MAP7D1: variants seen among roughly 807,000 people sequenced by gnomAD.
The protein encoded by MAP7D1 is MAP7 domain containing 1.
In MAP7D1, 30 loss-of-function variants were observed where a neutral mutation model predicts 97.5. The ratio of observed to expected loss-of-function variants is 0.31; its 90% CI spans 0.23 to 0.42. MAP7D1 has a LOEUF of 0.42. Ranked by LOEUF, MAP7D1 falls within the 10% of genes least tolerant of loss-of-function variation. The pLI, the probability that MAP7D1 is intolerant of heterozygous loss-of-function variation, is 1.00. For missense variants in MAP7D1, 1,184 were observed against 1,179.5 expected, an observed-to-expected ratio of 1.00 and a Z score of -0.06; for synonymous variants, 536 against 477.1, an observed-to-expected ratio of 1.12 and a Z score of -1.61.
chr1:36,157,781 G>A (rs1203107770), intron 1 of MAP7D1, among the ~76,000 whole-genome samples: 1 of 152,202 alleles, frequency 6.6e-6, no homozygotes, highest in Non-Finnish European at 1.5e-5. Context: ...CCATGCCAGC[G>A]AGGATGCTTC....
chr1:36,178,609 C>T lies in MAP7D1; in HGVS notation c.1886+13C>T, dbSNP rs1275080763. On this transcript the variant is annotated intron_variant, in intron 10 of 16. Coordinates refer to ENST00000474796, the MANE Select transcript of MAP7D1 (RefSeq NM_001388490.1). ...CAGAAAGGGACAAGTGAGTGCGCCT[C>T]GGGGACTGAGGGGGCCCTCGTGGGC... 40 of 1,566,168 alleles carry T rather than the reference C, an allele frequency of 2.6e-5. No individual in the cohort carries two copies. The highest frequency in any genetic ancestry group is 3.3e-5 in the Non-Finnish European group (38 of 1,158,896).
At chr1:36,177,691 A>C in intron 8 of MAP7D1, 182 bp from the exon 9 acceptor site, 2 of 895,816 alleles carry the variant, frequency 2.2e-6, no homozygotes, top group South Asian at 3.4e-5. Context: ...TCCCACAGAA[A>C]CATGTCATTA....
chr1:36,159,825 C>T lies in MAP7D1; in HGVS notation c.46+3362C>T, dbSNP rs147695318. 9.5e-4 allele frequency among the ~76,000 whole-genome samples: 144 copies of T among 152,272 alleles called. 1 individual carries two copies. In the East Asian group the frequency reaches 0.025, roughly 27 times the overall value. ...GATGAGTAGACGTTGGTGAGACTGGCGCAGTGGGCTGTGGCCATACATCCA... is the reference window on the plus strand; with the variant it reads ...GATGAGTAGACGTTGGTGAGACTGGTGCAGTGGGCTGTGGCCATACATCCA... On this transcript the variant is annotated intron_variant, in intron 1 of 16. Coordinates refer to ENST00000474796, the MANE Select transcript of MAP7D1 (RefSeq NM_001388490.1). The surrounding 1 kb of genome is among the most constrained non-coding windows in gnomAD (Gnocchi z 5.4).
chr1:36,173,428 G>A lies in MAP7D1; in HGVS notation c.689G>A (p.Arg230His), dbSNP rs148371637. 37 of 1,613,956 alleles carry A rather than the reference G, an allele frequency of 2.3e-5. No individual in the cohort carries two copies. The highest frequency in any genetic ancestry group is 2.9e-5 in the Non-Finnish European group (34 of 1,179,998). ...ACGTGGGCCGAAATCCGGCAGCAGC[G>A]CTGGTCCTGGGCAGGGGCCCTGCAC... ...KKTWAEIRQQ[R>H]WSWAGALHHS... is the part of the protein sequence containing the mutation. Residue 230 changes from arginine (R) to histidine (H), a missense_variant, in exon 5 of 17, where the codon CGC (arginine) becomes CAC (histidine). By Grantham distance (29) the Arg-to-His change is conservative. Coordinates refer to ENST00000474796, the MANE Select transcript of MAP7D1 (RefSeq NM_001388490.1).
chr1:36,171,639 T>TTA, intron 3 of MAP7D1, 58 bp downstream of exon 3: 3 of 1,580,984 alleles, frequency 1.9e-6, no homozygotes, highest in Non-Finnish European at 2.6e-6. Flanking sequence ...ATCCTATTAA[T>TTA]AACACCAACA....
rs1644688300 is a variant in MAP7D1, at chr1:36,179,649, C to T, written c.2228-17C>T. On this transcript the variant is annotated splice_polypyrimidine_tract_variant and intron_variant, in intron 14 of 16. Coordinates refer to ENST00000474796, the MANE Select transcript of MAP7D1 (RefSeq NM_001388490.1). Reference sequence around the variant, plus strand: ...CTTGCCAGCCCCTGGCTGATGGCCCCTCTTTCCCTGTGACAGAGCCTGTGA... The same window carrying T: ...CTTGCCAGCCCCTGGCTGATGGCCCTTCTTTCCCTGTGACAGAGCCTGTGA... 1 of 1,538,926 alleles carries T rather than the reference C, an allele frequency of 6.5e-7. No homozygotes were observed. Among genetic ancestry groups the T allele is most frequent in the East Asian group, 2.4e-5 (1 of 41,490 alleles).
rs142502700 is a variant in MAP7D1 at position 36,168,514 on chromosome 1, GT to G, written c.47-2454del. ...GTTGACTACTGGAATTGGTAAAGGA[GT>G]TTGCAGTTGGCTGGGAAATAGATTA... is the stretch of plus-strand genomic sequence containing the variant. On this transcript the variant is annotated intron_variant, in intron 1 of 16. Transcript: ENST00000474796. Among the ~76,000 whole-genome samples the G allele has an allele frequency of 3.3e-3, 505 of 152,284 alleles. 3 individuals are homozygous for G. Among genetic ancestry groups the G allele is most frequent in the African/African-American group, 0.011 (477 of 41,554 alleles).
rs992840194 is a variant in MAP7D1, at chr1:36,173,628, G to A, written c.739+150G>A. On this transcript the variant is annotated intron_variant, in intron 5 of 16. Coordinates refer to ENST00000474796, the MANE Select transcript of MAP7D1 (RefSeq NM_001388490.1). Reference sequence around the variant, plus strand: ...TTGTGTCTTCTAGAATGGTCTGTAAGCCAAACTGTCCCTTCCCAAGGACTT... The same window carrying A: ...TTGTGTCTTCTAGAATGGTCTGTAAACCAAACTGTCCCTTCCCAAGGACTT... 6 of 570,770 alleles carry A rather than the reference G, an allele frequency of 1.1e-5. No individual in the cohort carries two copies. The East Asian group carries it at 1.2e-4, about 12-fold the overall frequency. The allele number at this position is 570,770 out of a possible 1,614,324, so 35.4% of individuals were successfully genotyped here.
In MAP7D1 at chr1:36,179,157, G is replaced by T. The variant is rs944022982; in HGVS notation, c.2131-105G>T. The stretch of plus-strand genomic sequence containing the variant: ...TCCAGTTCCTGTCCTGGAGAGGGCT[G>T]CTATGAGCTGGGAGGCCCTAAGACT... On this transcript the variant is annotated intron_variant, in intron 12 of 16. Coordinates refer to ENST00000474796, the MANE Select transcript of MAP7D1 (RefSeq NM_001388490.1). 53 of 1,497,118 alleles carry T rather than the reference G, an allele frequency of 3.5e-5. No homozygotes were observed. In the East Asian group the frequency reaches 1.2e-3, roughly 33 times the overall value. 92.7% of individuals were successfully genotyped at this position (1,497,118 alleles called of 1,614,324 possible). A position where few individuals can be genotyped will look rare whatever the true frequency, so the allele number is the denominator to read the frequency against.
chr1:36,159,566 C>G lies in MAP7D1; in HGVS notation c.46+3103C>G, dbSNP rs895686604. ...GAGAAGACCCAAGAAACAGGTGCAACCGGCTATCCAGCACACCCATGCTGA... is the reference window on the plus strand; with the variant it reads ...GAGAAGACCCAAGAAACAGGTGCAAGCGGCTATCCAGCACACCCATGCTGA... On this transcript the variant is annotated intron_variant, in intron 1 of 16. Transcript: ENST00000474796. This position sits in a 1 kb window ranked among gnomAD's most constrained non-coding sequence, Gnocchi z 5.4. 2.0e-5 allele frequency among the ~76,000 whole-genome samples: 3 copies of G among 152,150 alleles called. No homozygotes were observed. Among genetic ancestry groups the G allele is most frequent in the Non-Finnish European group, 4.4e-5 (3 of 68,034 alleles).
At chr1:36,156,931 T>C (rs1008400922) in intron 1 of MAP7D1, among the ~76,000 whole-genome samples, 2 of 151,722 alleles carry the variant, frequency 1.3e-5, no homozygotes, top group African/African-American at 4.8e-5. Context: ...TCGGCCTTAG[T>C]GCCCGTACCC....
chr1:36,174,813 C>T (rs532344348), intron 5 of MAP7D1, 85 bp from the exon 6 acceptor site: 10 of 743,202 alleles, frequency 1.3e-5, no homozygotes, highest in East Asian at 5.2e-5. Context: ...ACCCCGCCCT[C>T]GGAGCATCCT....
In MAP7D1 at chr1:36,176,539, G is replaced by C. The variant is rs913809717; in HGVS notation, c.1191G>C (p.Gly397=). ...GGGAGCGCCGCAAGCCCAACGCCGG[G>C]GGCAGCCCCGCTCCGGTGCGCCGCC... ...ERGERRKPNA[G]GSPAPVRRRP... is the part of the protein sequence containing the mutation. Residue 397 remains glycine (G), a synonymous_variant, in exon 7 of 17, where the codon GGG becomes GGC. Transcript: ENST00000474796. This position sits in a 1 kb window ranked among gnomAD's most constrained non-coding sequence, Gnocchi z 6.1. The C allele has an allele frequency of 1.4e-6, 2 of 1,419,150 alleles. No homozygotes were observed. Among genetic ancestry groups the C allele is most frequent in the African/African-American group, 3.0e-5 (2 of 66,552 alleles). 87.9% of individuals were successfully genotyped at this position (1,419,150 alleles called of 1,614,324 possible).
At chr1:36,180,113 C>A (rs766872675) in intron 16 of MAP7D1, 46 bp downstream of exon 16, 24 of 1,610,432 alleles carry the variant, frequency 1.5e-5, no homozygotes, top group Middle Eastern at 1.7e-4. Flanking sequence ...TCCCAGCAGC[C>A]TTCCCTGTAC....
chr1:36,180,530 T>C lies in MAP7D1; in HGVS notation c.*272T>C. The C allele has an allele frequency of 1.9e-6, 1 of 529,242 alleles. No individual in the cohort carries two copies. Among genetic ancestry groups the C allele is most frequent in the Non-Finnish European group, 3.4e-6 (1 of 293,042 alleles). The allele number at this position is 529,242 out of a possible 1,614,324, so 32.8% of individuals were successfully genotyped here. On this transcript the variant is annotated 3_prime_UTR_variant, in exon 17 of 17. Coordinates refer to ENST00000474796, the MANE Select transcript of MAP7D1 (RefSeq NM_001388490.1). ...CTCACAGCCTCTCTGGCCTCTTCCC[T>C]TGGGGAGGGGCCACCTGTAGTATTT...
In MAP7D1 at chr1:36,165,664, G is replaced by A. The variant is rs117971183; in HGVS notation, c.47-5307G>A. ...ACTCCTGGCCTTAAGGGATCCTCCTGTCTGGGTCTCCCAAAGTGTTGGGAT... is the reference window on the plus strand; with the variant it reads ...ACTCCTGGCCTTAAGGGATCCTCCTATCTGGGTCTCCCAAAGTGTTGGGAT... On this transcript the variant is annotated intron_variant, in intron 1 of 16. Coordinates refer to ENST00000474796, the MANE Select transcript of MAP7D1 (RefSeq NM_001388490.1). 1.8e-4 allele frequency among the ~76,000 whole-genome samples: 27 copies of A among 150,186 alleles called. 1 individual carries two copies. In the East Asian group the frequency reaches 5.3e-3, roughly 29 times the overall value.
intron 1 of MAP7D1, among the ~76,000 whole-genome samples, chr1:36,165,155 ACT>A (rs539371070): frequency 7.5e-4 from 114 of 152,218 alleles, no homozygotes; most frequent in African/African-American, 2.6e-3. Context: ...ACAGCATCTT[ACT>A]CTGTTGCCCA....
At chr1:36,177,731 T>G in intron 8 of MAP7D1, 142 bp from the exon 9 acceptor site, 1 of 1,194,454 alleles carries the variant, frequency 8.4e-7, no homozygotes, top group Non-Finnish European at 1.1e-6. Flanking sequence ...TAAAAGGGAA[T>G]GGTGTGTTTC....
chr1:36,172,748 G>A (rs943941738), intron 4 of MAP7D1, 121 bp downstream of exon 4: 13 of 1,099,900 alleles, frequency 1.2e-5, no homozygotes, highest in African/African-American at 1.6e-5. Context: ...GGTCCTATTT[G>A]TGTTCACATC....
Sources: allele counts gnomAD v4.1 joint callset (sites outside exome capture counted in the v4.1 genomes callset), GRCh38; gene constraint gnomAD v4.1.1; non-coding constraint Gnocchi (gnomAD v3.1); transcripts MANE v1.5; gene names NCBI Gene and HGNC (gene_info 2026-07-23, HGNC 2026-07-21).